MAP6: variants seen among roughly 807,000 people sequenced by gnomAD.
MAP6 encodes the protein microtubule associated protein 6.
MAP6 carries 26 observed loss-of-function variants against 42.4 expected under a neutral mutation model. The observed-to-expected ratio is 0.61, with a 90% CI of 0.45 to 0.85. The LOEUF (loss-of-function observed/expected upper bound fraction) is 0.85, where lower values mean the gene tolerates loss of function less well. Ranked by LOEUF, MAP6 falls within the 40% of genes least tolerant of loss-of-function variation. The pLI is 0.00. For missense variants in MAP6, 966 were observed against 1,099.0 expected (o/e 0.88, Z 1.71); for synonymous variants, 418 against 443.8 (o/e 0.94, Z 0.73).
At chr11:75,617,757 G>A (rs1055772586) in intron 1 of MAP6, among the ~76,000 whole-genome samples, 10 of 152,008 alleles carry the variant, frequency 6.6e-5, no homozygotes, top group Admixed American at 5.9e-4. Context: ...AGAAGTGATA[G>A]GTTGTAAGAA....
intron 3 of MAP6, among the ~76,000 whole-genome samples, chr11:75,600,002 T>C (rs1942640003): frequency 6.6e-6 from 1 of 152,246 alleles, no homozygotes; most frequent in Middle Eastern, 3.2e-3. Context: ...TTTAGGTCTG[T>C]GGACTCAAGG....
At chr11:75,601,105 G>A (rs1440674548) in intron 3 of MAP6, among the ~76,000 whole-genome samples, 7 of 152,202 alleles carry the variant, frequency 4.6e-5, no homozygotes, top group Non-Finnish European at 1.0e-4. Context: ...CCCTGAGCAC[G>A]TGGGCAGCAC....
intron 1 of MAP6, among the ~76,000 whole-genome samples, chr11:75,665,331 A>G (rs1340583642): frequency 6.6e-6 from 1 of 152,218 alleles, no homozygotes; most frequent in Non-Finnish European, 1.5e-5. Flanking sequence ...TATTCAAAGG[A>G]TGTGGTCATT....
chr11:75,611,994 C>T (rs575048878), intron 1 of MAP6, among the ~76,000 whole-genome samples: 91 of 152,388 alleles, frequency 6.0e-4, no homozygotes, highest in African/African-American at 2.0e-3. Flanking sequence ...GCAGTGTGCT[C>T]GGCCTGCCCT....
intron 1 of MAP6, among the ~76,000 whole-genome samples, chr11:75,634,770 C>T (rs1943342156): frequency 6.6e-6 from 1 of 152,162 alleles, no homozygotes; most frequent in African/African-American, 2.4e-5. Context: ...GAGATGCTGA[C>T]ACTTTTCAAA....
chr11:75,644,628 T>C (rs896960014), intron 1 of MAP6, among the ~76,000 whole-genome samples: 2 of 152,166 alleles, frequency 1.3e-5, no homozygotes, highest in African/African-American at 4.8e-5. Context: ...ATTCATCCAC[T>C]ACAATAGACT....
chr11:75,605,574 G>T, intron 3 of MAP6: 2 of 1,310,722 alleles, frequency 1.5e-6, no homozygotes, highest in South Asian at 3.4e-5. Flanking sequence ...CAGCGGCAAC[G>T]CTTCCTGGTG....
chr11:75,666,213 CA>C (rs1943943334), intron 1 of MAP6, among the ~76,000 whole-genome samples: 1 of 152,072 alleles, frequency 6.6e-6, no homozygotes, highest in Non-Finnish European at 1.5e-5. Flanking sequence ...CGAGAGACCC[CA>C]AATGCAATGT....
intron 3 of MAP6, among the ~76,000 whole-genome samples, chr11:75,595,748 GC>G (rs1942568174): frequency 1.2e-5 from 1 of 83,524 alleles, no homozygotes; most frequent in Admixed American, 1.6e-4. Context: ...CTTGGCAGCA[GC>G]CCTATCAGAT....
chr11:75,602,456 C>T (rs889203787), intron 3 of MAP6, among the ~76,000 whole-genome samples: 1 of 152,180 alleles, frequency 6.6e-6, no homozygotes, highest in African/African-American at 2.4e-5. Flanking sequence ...CATAGATTAA[C>T]TGAGCAAGTG....
chr11:75,638,936 T>C (rs963449892), intron 1 of MAP6, among the ~76,000 whole-genome samples: 14 of 152,196 alleles, frequency 9.2e-5, no homozygotes, highest in African/African-American at 3.4e-4. Context: ...AAAGAAAATA[T>C]GGTATATACA....
At chr11:75,662,952 A>G (rs1414797241) in intron 1 of MAP6, among the ~76,000 whole-genome samples, 1 of 147,726 alleles carries the variant, frequency 6.8e-6, no homozygotes, top group East Asian at 2.0e-4. Context: ...CTAACCTGGT[A>G]GGATTTGTAC....
At chr11:75,640,056 C>A (rs1436642438) in intron 1 of MAP6, among the ~76,000 whole-genome samples, 1 of 152,172 alleles carries the variant, frequency 6.6e-6, no homozygotes, top group Non-Finnish European at 1.5e-5. Flanking sequence ...ACACTGGTAA[C>A]CATGGATACC....
chr11:75,628,037 A>AG (rs1943226256), intron 1 of MAP6, among the ~76,000 whole-genome samples: 1 of 152,280 alleles, frequency 6.6e-6, no homozygotes, highest in Admixed American at 6.5e-5. Flanking sequence ...CCCGGATCTC[A>AG]GGGGCTGTGC....
intron 1 of MAP6, among the ~76,000 whole-genome samples, chr11:75,653,605 T>C (rs945244239): frequency 6.6e-6 from 1 of 152,250 alleles, no homozygotes; most frequent in Non-Finnish European, 1.5e-5. Context: ...ATTGCTTTTA[T>C]TACAGTTCTA....
chr11:75,658,398 C>G (rs609397), intron 1 of MAP6, among the ~76,000 whole-genome samples: 9 of 53,212 alleles, frequency 1.7e-4, no homozygotes, highest in African/African-American at 8.3e-4. Context: ...ATTTCTCCAC[C>G]CCCCCCGCCC....
intron 3 of MAP6, chr11:75,603,359 A>G (rs1424151372): frequency 4.1e-6 from 4 of 985,718 alleles, no homozygotes; most frequent in Middle Eastern, 5.2e-4. Flanking sequence ...AATCAGTTTC[A>G]TTCAGTACGT....
intron 3 of MAP6, among the ~76,000 whole-genome samples, chr11:75,595,588 C>T (rs1330527585): frequency 6.6e-6 from 1 of 152,136 alleles, no homozygotes; most frequent in Non-Finnish European, 1.5e-5. Flanking sequence ...GCAGCTCTAG[C>T]TTTATCAGTG....
At chr11:75,600,750 A>T (rs913594744) in intron 3 of MAP6, among the ~76,000 whole-genome samples, 1 of 152,194 alleles carries the variant, frequency 6.6e-6, no homozygotes, top group Non-Finnish European at 1.5e-5. Context: ...GGAGCCTTAA[A>T]CCACAGTGAC....
Sources: allele counts gnomAD v4.1 joint callset (sites outside exome capture counted in the v4.1 genomes callset), GRCh38; gene constraint gnomAD v4.1.1; transcripts MANE v1.5; gene names NCBI Gene and HGNC (gene_info 2026-07-23, HGNC 2026-07-21).